The following COL4A6 variants were observed in gnomAD, a reference collection of about 807,000 sequenced individuals.
The protein encoded by COL4A6 is collagen alpha-6(IV) chain.
COL4A6 carries 59 observed loss-of-function variants against 126.7 expected under a neutral mutation model. The observed-to-expected ratio is 0.47, with a 90% CI of 0.38 to 0.58. COL4A6 has a LOEUF of 0.58. Ranked by LOEUF, COL4A6 falls within the 20% of genes least tolerant of loss-of-function variation. The pLI, the probability that COL4A6 is intolerant of heterozygous loss-of-function variation, is 0.00. For synonymous variants in COL4A6, 547 were observed against 496.6 expected (o/e 1.10, Z -1.35); for missense variants, 1,285 against 1,337.3 (o/e 0.96, Z 0.61).
rs916679309 is a variant in COL4A6, at chrX:108,178,706, T to C, written c.2493A>G (p.Ala831=). 1 of 1,209,914 alleles carries C rather than the reference T, an allele frequency of 8.3e-7. No individual in the cohort carries two copies. Among genetic ancestry groups the C allele is most frequent in the African/African-American group, 1.7e-5 (1 of 57,282 alleles). The change falls in exon 27 of 45, where the codon GCA becomes GCG. Residue 831 remains alanine, a synonymous_variant. Transcript: ENST00000334504. The part of the protein sequence containing the change: ...GIKGKSGLPG[A]PGFPGISGHP... Reference sequence around the variant, plus strand: ...TACCTGAGATGCCTGGGAAGCCTGGTGCTCCTGGGAGCCCAGATTTGCCCT... The same window carrying C: ...TACCTGAGATGCCTGGGAAGCCTGGCGCTCCTGGGAGCCCAGATTTGCCCT...
chrX:108,219,852 C>T, intron 4 of COL4A6, 110 bp from the exon 5 acceptor site: 1 of 510,423 alleles, frequency 2.0e-6, no homozygotes, highest in South Asian at 2.9e-5. Flanking sequence ...GTGTTTCGTA[C>T]CCCCCTCCCC....
chrX:108,215,226 C>G (rs1442514812), intron 5 of COL4A6, among the ~76,000 whole-genome samples: 1 of 112,060 alleles, frequency 8.9e-6, no homozygotes, highest in Non-Finnish European at 1.9e-5. Flanking sequence ...CTATAGAATT[C>G]TGTTTCATTT....
At chrX:108,183,368 C>G (rs1053232630) in intron 23 of COL4A6, among the ~76,000 whole-genome samples, 1 of 111,939 alleles carries the variant, frequency 8.9e-6, no homozygotes, top group Non-Finnish European at 1.9e-5. Context: ...ATGTGTGGAT[C>G]CTTTCAGGTA....
chrX:108,175,309 G>T, intron 29 of COL4A6, 94 bp from the exon 30 acceptor site: 2 of 1,011,543 alleles, frequency 2.0e-6, no homozygotes, highest in Non-Finnish European at 1.3e-6. Context: ...TACCACCACA[G>T]CCCTCTTTTG....
At chrX:108,211,614 C>G in intron 7 of COL4A6, 58 bp downstream of exon 7, 1 of 1,074,677 alleles carries the variant, frequency 9.3e-7, no homozygotes, top group Non-Finnish European at 1.3e-6. Flanking sequence ...GAGGTGGGGC[C>G]CAATGCTGGG....
chrX:108,309,801 A>AAC (rs4036315), intron 3 of COL4A6, among the ~76,000 whole-genome samples: 11,869 of 80,724 alleles, frequency 0.15, 938 homozygotes, highest in Non-Finnish European at 0.2. Context: ...TAATCCTGGA[A>AAC]ACACACACAC....
At chrX:108,255,478 T>A in intron 3 of COL4A6, among the ~76,000 whole-genome samples, 1 of 111,340 alleles carries the variant, frequency 9.0e-6, no homozygotes, top group Non-Finnish European at 1.9e-5. Context: ...TGGCAAAATA[T>A]ACTTTTCCCT....
intron 2 of COL4A6, among the ~76,000 whole-genome samples, chrX:108,337,873 G>A (rs1384031044): frequency 8.9e-6 from 1 of 111,805 alleles, no homozygotes; most frequent in East Asian, 2.8e-4. Flanking sequence ...GTTGTATATA[G>A]TATGGTAGGT....
chrX:108,350,731 T>A (rs2039820075), intron 2 of COL4A6, among the ~76,000 whole-genome samples: 2 of 110,532 alleles, frequency 1.8e-5, no homozygotes, highest in Admixed American at 2.0e-4. Context: ...TTCATGTCTC[T>A]TTGCCACACA....
intron 3 of COL4A6, among the ~76,000 whole-genome samples, chrX:108,278,016 A>T (rs1055959597): frequency 1.8e-5 from 2 of 111,754 alleles, no homozygotes; most frequent in Non-Finnish European, 3.8e-5. Context: ...AAAGACCAAA[A>T]ATAGATAAAA....
chrX:108,433,852 C>T (rs1337433779), intron 2 of COL4A6, among the ~76,000 whole-genome samples: 1 of 111,875 alleles, frequency 8.9e-6, no homozygotes, highest in East Asian at 2.8e-4. Flanking sequence ...TAACAGGGAG[C>T]TGTGGTGTGT....
chrX:108,168,877 T>C (rs956907221), intron 37 of COL4A6, among the ~76,000 whole-genome samples: 1 of 111,719 alleles, frequency 9.0e-6, no homozygotes, highest in Non-Finnish European at 1.9e-5. Context: ...TTTGGAACTT[T>C]CCTGAGGAAA....
chrX:108,266,313 A>G (rs184914051), intron 3 of COL4A6, among the ~76,000 whole-genome samples: 1 of 111,566 alleles, frequency 9.0e-6, no homozygotes, highest in African/African-American at 3.3e-5. Context: ...CAGATGCCAG[A>G]GTCACAATCA....
chrX:108,188,825 C>G, intron 20 of COL4A6, 148 bp from the exon 21 acceptor site: 1 of 547,896 alleles, frequency 1.8e-6, no homozygotes, highest in East Asian at 4.3e-5. Context: ...TTGGTTCACT[C>G]TCCAGCAGAG....
chrX:108,212,064 C>T (rs766361901), intron 6 of COL4A6, among the ~76,000 whole-genome samples: 53 of 111,414 alleles, frequency 4.8e-4, no homozygotes, highest in Admixed American at 4.4e-3. Context: ...ATGGAGAGTT[C>T]GCTGCTTCAC....
At chrX:108,163,152 C>A in intron 40 of COL4A6, 114 bp from the exon 41 acceptor site, 2 of 618,219 alleles carry the variant, frequency 3.2e-6, no homozygotes, top group Non-Finnish European at 5.0e-6. Context: ...CTGTTTGTCC[C>A]CACAGGATAC....
chrX:108,417,492 A>G (rs750085155), intron 2 of COL4A6, among the ~76,000 whole-genome samples: 128 of 111,967 alleles, frequency 1.1e-3, no homozygotes, highest in Non-Finnish European at 7.3e-4. Flanking sequence ...AACTGAAAGC[A>G]TTAGTAAGTT....
chrX:108,212,955 C>T (rs1218577988), intron 6 of COL4A6, among the ~76,000 whole-genome samples: 1 of 111,802 alleles, frequency 8.9e-6, no homozygotes, highest in Non-Finnish European at 1.9e-5. Context: ...ATGTTTTGTT[C>T]TATACCTGGT....
intron 3 of COL4A6, among the ~76,000 whole-genome samples, chrX:108,275,860 A>G (rs1280112892): frequency 8.9e-6 from 1 of 112,827 alleles, no homozygotes; most frequent in East Asian, 2.8e-4. Context: ...ACATGAGTAG[A>G]GCTTTGAAGT....
Sources: gnomAD v4.1 joint callset for allele counts (sites outside exome capture counted in the v4.1 genomes callset) on GRCh38, gnomAD v4.1.1 for gene constraint, MANE v1.5 for transcripts, NCBI Gene and HGNC (gene_info 2026-07-23, HGNC 2026-07-21) for gene names.